The following SLC22A24 variants were observed in gnomAD, a reference collection of about 807,000 sequenced individuals.
SLC22A24 encodes solute carrier family 22 member 24.
SLC22A24 carries 53 observed loss-of-function variants against 49.8 expected under a neutral mutation model. The observed-to-expected ratio is 1.06, with a 90% CI of 0.85 to 1.34. SLC22A24 has a LOEUF of 1.34. Among genes scored for constraint, SLC22A24 ranks in the 40% most tolerant of loss-of-function variants. The pLI is 0.00. For synonymous variants in SLC22A24, 302 were observed against 256.4 expected (o/e 1.18, Z -1.70); for missense variants, 786 against 675.9 (o/e 1.16, Z -1.81).
intron 4 of SLC22A24, among the ~76,000 whole-genome samples, chr11:63,118,073 C>A (rs540126544): frequency 6.6e-6 from 1 of 152,288 alleles, no homozygotes; most frequent in Admixed American, 6.5e-5. Context: ...CACTAGGCAA[C>A]TTTGAGTCAG....
intron 4 of SLC22A24, among the ~76,000 whole-genome samples, chr11:63,118,349 C>A (rs76621288): frequency 0.026 from 3,965 of 152,138 alleles, 147 homozygotes; most frequent in African/African-American, 0.089. Flanking sequence ...CCCTAAATTG[C>A]TGCAAGTCTT....
intron 5 of SLC22A24, among the ~76,000 whole-genome samples, chr11:63,101,418 A>G (rs968683832): frequency 6.6e-5 from 10 of 152,064 alleles, no homozygotes; most frequent in Non-Finnish European, 1.2e-4. Flanking sequence ...CAAAAATTGT[A>G]TATAATATTA....
chr11:63,130,062 A>G (rs1276855290), intron 2 of SLC22A24, among the ~76,000 whole-genome samples: 4 of 152,194 alleles, frequency 2.6e-5, no homozygotes, highest in Non-Finnish European at 4.4e-5. Flanking sequence ...CTGGTTTTCA[A>G]AGAGAATGCT....
chr11:63,096,000 C>T lies in SLC22A24; in HGVS notation c.1061G>A (p.Cys354Tyr). ...PKLRMRVFGLCFVRFAITVPF... is the reference protein window; with the variant it reads ...PKLRMRVFGLYFVRFAITVPF... ...ACCAAATGGAACTTACCTCACAAAG[C>T]ACAGGCCGAAGACTCTCATTCGCAA... The change falls in exon 6 of 10, where the codon TGC becomes TAC. Residue 354 changes from cysteine to tyrosine, a missense_variant. By Grantham distance (194) the Cys-to-Tyr change is radical (BLOSUM62 -2). Transcript: ENST00000612278. 1.9e-6 allele frequency: 3 copies of T among 1,549,216 alleles called. No individual in the cohort carries two copies. Among genetic ancestry groups the T allele is most frequent in the South Asian group, 1.2e-5 (1 of 83,934 alleles).
At chr11:63,084,761 T>C (rs547854781) in intron 6 of SLC22A24, among the ~76,000 whole-genome samples, 4 of 152,216 alleles carry the variant, frequency 2.6e-5, no homozygotes, top group Admixed American at 6.5e-5. Context: ...CACATTTACG[T>C]AGAGAAAAAG....
At chr11:63,106,737 G>A (rs2087124172) in intron 4 of SLC22A24, among the ~76,000 whole-genome samples, 1 of 152,136 alleles carries the variant, frequency 6.6e-6, no homozygotes, top group Non-Finnish European at 1.5e-5. Flanking sequence ...CTTTTGAGAA[G>A]TGTCTGTTCA....
chr11:63,099,048 T>C (rs2087073538), intron 5 of SLC22A24, among the ~76,000 whole-genome samples: 1 of 152,060 alleles, frequency 6.6e-6, no homozygotes, highest in African/African-American at 2.4e-5. Flanking sequence ...ATGCAACTTA[T>C]CAAGATTGAA....
chr11:63,107,916 AC>A (rs1181329373), intron 4 of SLC22A24, among the ~76,000 whole-genome samples: 1 of 151,778 alleles, frequency 6.6e-6, no homozygotes, highest in Non-Finnish European at 1.5e-5. Context: ...CTAATTGAAT[AC>A]CCTTTATTTC....
chr11:63,083,216 CT>C (rs1484168562), intron 7 of SLC22A24, 26 bp downstream of exon 7: 2 of 1,534,494 alleles, frequency 1.3e-6, no homozygotes, highest in Non-Finnish European at 1.8e-6. Flanking sequence ...TAACTACTTT[CT>C]TTCCTGAAAC....
At position 63,143,912 on chromosome 11, in the gene SLC22A24, G is replaced by T; in HGVS notation, c.-133C>A. On this transcript the variant is annotated 5_prime_UTR_variant, in exon 1 of 10. Transcript: ENST00000612278. ...CCTGACACTGCTTTCTTCTTGGTGGGCCCTGCACTGAGTGGTGTGACACTA... is the reference window on the plus strand; with the variant it reads ...CCTGACACTGCTTTCTTCTTGGTGGTCCCTGCACTGAGTGGTGTGACACTA... The T allele has an allele frequency of 1.5e-6, 1 of 680,566 alleles. No individual in the cohort carries two copies. The highest frequency in any genetic ancestry group is 2.1e-6 in the Non-Finnish European group (1 of 477,872). 42.2% of individuals were successfully genotyped at this position (680,566 alleles called of 1,614,324 possible).
At chr11:63,100,978 G>C (rs749211267) in intron 5 of SLC22A24, among the ~76,000 whole-genome samples, 1 of 152,054 alleles carries the variant, frequency 6.6e-6, no homozygotes, top group Non-Finnish European at 1.5e-5. Flanking sequence ...CCAGGTCATT[G>C]GTCTGGGCAA....
At chr11:63,101,020 A>G (rs1197214139) in intron 5 of SLC22A24, among the ~76,000 whole-genome samples, 1 of 152,160 alleles carries the variant, frequency 6.6e-6, no homozygotes, top group East Asian at 1.9e-4. Flanking sequence ...AAGCAGAAGC[A>G]CAGGCAGACA....
intron 1 of SLC22A24, among the ~76,000 whole-genome samples, chr11:63,137,097 C>A (rs2087380732): frequency 6.6e-6 from 1 of 151,990 alleles, no homozygotes; most frequent in Non-Finnish European, 1.5e-5. Context: ...AGCTCCACCA[C>A]AGGGTGTCTG....
intron 4 of SLC22A24, among the ~76,000 whole-genome samples, chr11:63,108,824 T>C (rs930367206): frequency 1.3e-5 from 2 of 151,834 alleles, no homozygotes; most frequent in African/African-American, 4.8e-5. Context: ...CTTTTTTTTT[T>C]CCTTTTGTCT....
intron 6 of SLC22A24, among the ~76,000 whole-genome samples, chr11:63,089,629 T>C (rs957495040): frequency 1.3e-5 from 2 of 151,988 alleles, no homozygotes; most frequent in African/African-American, 2.4e-5. Flanking sequence ...AATGACAAAC[T>C]GGATAAAGAG....
In SLC22A24 at chr11:63,109,605, G is replaced by A. The variant is rs2087147612; in HGVS notation, c.831-5307C>T. Among the ~76,000 whole-genome samples, 3 of 150,750 alleles carry A rather than the reference G, an allele frequency of 2.0e-5. No individual in the cohort carries two copies. The South Asian group carries it at 6.4e-4, about 32-fold the overall frequency. ...CATTTCTCTGATGGCCAGTGATGGT[G>A]AGCATTTTTTCATGTGTCTTTTGGC... On this transcript the variant is annotated intron_variant, in intron 4 of 9. Coordinates refer to ENST00000612278, the MANE Select transcript of SLC22A24 (RefSeq NM_001136506.2).
chr11:63,111,793 A>G (rs2087167362), intron 4 of SLC22A24, among the ~76,000 whole-genome samples: 1 of 152,168 alleles, frequency 6.6e-6, no homozygotes, highest in Non-Finnish European at 1.5e-5. Flanking sequence ...ATCCTTTCAA[A>G]AAACCAGCTC....
rs763376209 is a variant in SLC22A24, at chr11:63,083,361, T to A, written c.1167A>T (p.Thr389=). Residue 389 remains threonine, a synonymous_variant, in exon 7 of 10, where the codon ACA becomes ACT. Coordinates refer to ENST00000612278, the MANE Select transcript of SLC22A24 (RefSeq NM_001136506.2). ...SLFQILCGAV[T]FTARCVSLLT... ...AAAGGGAAACACATCTGGCTGTGAA[T>A]GTGACAGCTCCACAGAGAATCTGGA... is the stretch of plus-strand genomic sequence containing the variant. 2.1e-5 allele frequency: 32 copies of A among 1,552,776 alleles called. No individual in the cohort carries two copies. The Admixed American group carries it at 2.2e-4, about 10-fold the overall frequency.
intron 7 of SLC22A24, among the ~76,000 whole-genome samples, chr11:63,082,929 G>A (rs1360504213): frequency 1.3e-5 from 2 of 152,192 alleles, no homozygotes; most frequent in Non-Finnish European, 2.9e-5. Flanking sequence ...AGGGTGATTA[G>A]CCAAAAAGCA....
Sources: gnomAD v4.1 joint callset for allele counts (sites outside exome capture counted in the v4.1 genomes callset) on GRCh38, gnomAD v4.1.1 for gene constraint, MANE v1.5 for transcripts, NCBI Gene and HGNC (gene_info 2026-07-23, HGNC 2026-07-21) for gene names.